The following GFM1 variants were observed in gnomAD, a reference collection of about 807,000 sequenced individuals.
GFM1 encodes the protein G elongation factor mitochondrial 1.
Under a neutral mutation model 96.2 loss-of-function variants are expected in GFM1, and 62 were observed. The observed-to-expected ratio is 0.64, with a 90% CI of 0.53 to 0.80. GFM1 has a LOEUF of 0.80. GFM1 is among the 30% of genes least tolerant of loss of function. The probability of loss-of-function intolerance (pLI) is 0.00; values close to 1 mark genes in which losing one functional copy is unlikely to be tolerated. For synonymous variants in GFM1, 282 were observed against 312.9 expected (o/e 0.90, Z 1.04); for missense variants, 852 against 916.6 (o/e 0.93, Z 0.91).
At chr3:158,683,065 C>T (rs753933030) in intron 14 of GFM1, among the ~76,000 whole-genome samples, 25 of 151,584 alleles carry the variant, frequency 1.6e-4, no homozygotes, top group South Asian at 1.0e-3. Context: ...TGTTGTAAAC[C>T]CTTAATTAAT....
At chr3:158,679,120 C>T (rs1034570634) in intron 13 of GFM1, among the ~76,000 whole-genome samples, 1 of 152,218 alleles carries the variant, frequency 6.6e-6, no homozygotes, top group African/African-American at 2.4e-5. Context: ...GACCTTCAGT[C>T]TCCACTTCTA....
At chr3:158,646,697 A>C (rs753132956) in intron 3 of GFM1, 46 bp from the exon 4 acceptor site, 2 of 1,508,026 alleles carry the variant, frequency 1.3e-6, no homozygotes, top group South Asian at 2.3e-5. Context: ...ATATATTAAA[A>C]ATTCAGATTG....
At chr3:158,661,351 T>A (rs999860172) in intron 10 of GFM1, among the ~76,000 whole-genome samples, 1 of 152,144 alleles carries the variant, frequency 6.6e-6, no homozygotes, top group Admixed American at 6.5e-5. Flanking sequence ...ATCAAGCTAG[T>A]TTCAGTGGAG....
chr3:158,646,895 A>G lies in GFM1; in HGVS notation c.520A>G (p.Asn174Asp). Residue 174 changes from asparagine (N) to aspartate (D), a missense_variant, in exon 4 of 18, where the codon AAC becomes GAC. Transcript: ENST00000486715. ...RYNVPFLTFINKLDRMGSNPA... is the reference protein window; with the variant it reads ...RYNVPFLTFIDKLDRMGSNPA... ...CAACGTTCCGTTTCTAACTTTTATT[A>G]ACAAATTGGACCGAATGGGCTCCAA... 2 of 1,614,128 alleles carry G rather than the reference A, an allele frequency of 1.2e-6. No homozygotes were observed. The highest frequency in any genetic ancestry group is 1.3e-5 in the African/African-American group (1 of 75,022).
chr3:158,686,703 G>C (rs968032239), intron 15 of GFM1, among the ~76,000 whole-genome samples: 11 of 140,116 alleles, frequency 7.9e-5, no homozygotes, highest in Non-Finnish European at 1.7e-4. Flanking sequence ...AAAAACACTA[G>C]ATTATAATTG....
chr3:158,650,101 A>G, intron 5 of GFM1: 2 of 1,472,166 alleles, frequency 1.4e-6, no homozygotes, highest in Non-Finnish European at 1.8e-6. Context: ...TATAGAATTT[A>G]TCTTCATCAG....
intron 5 of GFM1, 176 bp downstream of exon 5, chr3:158,649,333 A>G: frequency 2.0e-6 from 1 of 494,116 alleles, no homozygotes; most frequent in East Asian, 3.9e-5. Context: ...TTTATTTAGT[A>G]TTTATTCTGT....
chr3:158,674,776 T>C (rs1478557580), intron 13 of GFM1, among the ~76,000 whole-genome samples: 1 of 152,194 alleles, frequency 6.6e-6, no homozygotes, highest in Non-Finnish European at 1.5e-5. Context: ...TAAAACTGGC[T>C]GTAGCTCACC....
chr3:158,653,944 A>G (rs1292696048), intron 7 of GFM1, among the ~76,000 whole-genome samples: 2 of 151,834 alleles, frequency 1.3e-5, no homozygotes, highest in African/African-American at 4.8e-5. Context: ...GGTGGTGTGC[A>G]CCTATAATCC....
chr3:158,667,079 G>C (rs1489773018), intron 13 of GFM1: 39 of 1,573,950 alleles, frequency 2.5e-5, no homozygotes, highest in Non-Finnish European at 3.0e-5. Flanking sequence ...TCTTTGCTAT[G>C]ACAAAAAATA....
intron 11 of GFM1, among the ~76,000 whole-genome samples, chr3:158,663,937 T>C (rs1723401653): frequency 1.3e-5 from 2 of 152,190 alleles, no homozygotes; most frequent in Admixed American, 6.6e-5. Context: ...ATGATGTTTC[T>C]AATTTGAGAG....
rs537122683 is a variant in GFM1 at position 158,647,460 on chromosome 3, C to T, written c.572+513C>T. 4.9e-4 allele frequency among the ~76,000 whole-genome samples: 74 copies of T among 152,314 alleles called. No individual in the cohort carries two copies. In the South Asian group the frequency reaches 0.012, roughly 25 times the overall value. The stretch of plus-strand genomic sequence containing the variant: ...AGTATTTATAGCATTTTAAATTTTA[C>T]ACAATATTATATATTTCACAAAGCC... On this transcript the variant is annotated intron_variant, in intron 4 of 17. Coordinates refer to ENST00000486715, the MANE Select transcript of GFM1 (RefSeq NM_024996.7).
At position 158,649,820 on chromosome 3, in the gene GFM1, A is replaced by G. The variant is rs1338909922; in HGVS notation, c.689+663A>G. ...AAGACATAGTCCTGGCTCTACCTCC[A>G]GAGATTCTGATCAGTAGATTGGGGT... is the stretch of plus-strand genomic sequence containing the variant. On this transcript the variant is annotated intron_variant, in intron 5 of 17. Transcript: ENST00000486715. The G allele has an allele frequency of 8.8e-6, 5 of 568,768 alleles. No homozygotes were observed. In the African/African-American group the frequency reaches 9.3e-5, roughly 11 times the overall value. 35.2% of individuals were successfully genotyped at this position (568,768 alleles called of 1,614,324 possible). A position where few individuals can be genotyped will look rare whatever the true frequency, so the allele number is the denominator to read the frequency against.
Position 158,691,898 on chromosome 3 carries a change from G to T in GFM1, c.*431G>T. 1 of 174,130 alleles carries T rather than the reference G, an allele frequency of 5.7e-6. No homozygotes were observed. Among genetic ancestry groups the T allele is most frequent in the South Asian group, 1.2e-4 (1 of 8,158 alleles). The allele number at this position is 174,130 out of a possible 1,614,324, so 10.8% of individuals were successfully genotyped here. On this transcript the variant is annotated 3_prime_UTR_variant, in exon 18 of 18. Coordinates refer to ENST00000486715, the MANE Select transcript of GFM1 (RefSeq NM_024996.7). ...TTCCATCTACCTTCCTTTGTTAACG[G>T]GTTGTTTATCATATAATAATTTGTT...
chr3:158,690,335 T>C lies in GFM1; in HGVS notation c.2070+12T>C. The C allele has an allele frequency of 6.2e-7, 1 of 1,612,618 alleles. No homozygotes were observed. Among genetic ancestry groups the C allele is most frequent in the Non-Finnish European group, 8.5e-7 (1 of 1,178,634 alleles). On this transcript the variant is annotated intron_variant, in intron 16 of 17. Coordinates refer to ENST00000486715, the MANE Select transcript of GFM1 (RefSeq NM_024996.7). ...CACTGTATGCAGATGTAAGTAGTCT[T>C]GGTCATTGGCAGTCCTGCTTTTATT...
At chr3:158,647,147 A>G (rs1184734318) in intron 4 of GFM1, among the ~76,000 whole-genome samples, 200 bp downstream of exon 4, 3 of 152,230 alleles carry the variant, frequency 2.0e-5, no homozygotes, top group Non-Finnish European at 2.9e-5. Context: ...TTATCTCTAA[A>G]ATGGGGACAA....
rs1167168446 is a variant in GFM1 at position 158,665,390 on chromosome 3, C to T, written c.1434C>T (p.Pro478=). 11 of 1,609,706 alleles carry T rather than the reference C, an allele frequency of 6.8e-6. No homozygotes were observed. Among genetic ancestry groups the T allele is most frequent in the African/African-American group, 2.7e-5 (2 of 74,756 alleles). The change falls in exon 12 of 18, where the codon CCC becomes CCT. Residue 478 remains proline, a synonymous_variant. Transcript: ENST00000486715. ...TTGGCAGGTTTACAAGAGAAGATCC[C>T]ACATTTAAAGTATACTTTGACACTG... is the stretch of plus-strand genomic sequence containing the variant. ...KGIGRFTRED[P]TFKVYFDTEN...
rs1372611900 is a variant in GFM1, at chr3:158,644,816, A to G, written c.81+101A>G. ...GACACCCCCTGGGTCCTCATGACTG[A>G]CAGCTCCGAATACTGGCAGTCGCTC... On this transcript the variant is annotated intron_variant, in intron 1 of 17. Coordinates refer to ENST00000486715, the MANE Select transcript of GFM1 (RefSeq NM_024996.7). The G allele has an allele frequency of 5.2e-6, 5 of 957,966 alleles. No individual in the cohort carries two copies. In the African/African-American group the frequency reaches 6.5e-5, roughly 13 times the overall value. 59.3% of individuals were successfully genotyped at this position (957,966 alleles called of 1,614,324 possible). A position where few individuals can be genotyped will look rare whatever the true frequency, so the allele number is the denominator to read the frequency against.
chr3:158,683,579 T>C (rs1358179046), intron 14 of GFM1, among the ~76,000 whole-genome samples: 1 of 152,258 alleles, frequency 6.6e-6, no homozygotes, highest in Non-Finnish European at 1.5e-5. Context: ...TATAATGTAG[T>C]GATCTGCCAA....
Sources: gnomAD v4.1 joint callset for allele counts (sites outside exome capture counted in the v4.1 genomes callset) on GRCh38, gnomAD v4.1.1 for gene constraint, MANE v1.5 for transcripts, NCBI Gene and HGNC (gene_info 2026-07-23, HGNC 2026-07-21) for gene names.